SH3PXD2B: variants seen among roughly 807,000 people sequenced by gnomAD.
SH3PXD2B encodes SH3 and PX domains 2B.
SH3PXD2B carries 37 observed loss-of-function variants against 73.1 expected under a neutral mutation model. The ratio of observed to expected loss-of-function variants is 0.51; its 90% CI spans 0.39 to 0.67. The LOEUF is 0.67. Ranked by LOEUF, SH3PXD2B falls within the 30% of genes least tolerant of loss-of-function variation. The pLI is 0.00. For missense variants in SH3PXD2B, 1,053 were observed against 1,197.8 expected (o/e 0.88, Z 1.78); for synonymous variants, 457 against 480.5 (o/e 0.95, Z 0.64).
chr5:172,346,394 G>T, intron 11 of SH3PXD2B, 133 bp from the exon 12 acceptor site: 1 of 1,392,886 alleles, frequency 7.2e-7, no homozygotes, highest in Non-Finnish European at 1.0e-6. Flanking sequence ...GATTCTAAGG[G>T]ACAACACAAA....
intron 3 of SH3PXD2B, 29 bp downstream of exon 3, chr5:172,406,248 C>G (rs1758554142): frequency 6.2e-7 from 1 of 1,612,314 alleles, no homozygotes; most frequent in South Asian, 1.1e-5. Flanking sequence ...CCCCCAGTGT[C>G]CCAGTCTGAG....
At chr5:172,440,723 T>TGCGAG (rs534862756) in intron 1 of SH3PXD2B, among the ~76,000 whole-genome samples, 177 of 152,278 alleles carry the variant, frequency 1.2e-3, no homozygotes, top group African/African-American at 4.1e-3. Flanking sequence ...CTCTTCCAGC[T>TGCGAG]GCGAGGCAAG....
chr5:172,436,540 G>C (rs1759392202), intron 1 of SH3PXD2B, among the ~76,000 whole-genome samples: 1 of 152,236 alleles, frequency 6.6e-6, no homozygotes, highest in Admixed American at 6.5e-5. Context: ...AAAGGGACTT[G>C]CCCAAGGTCC....
chr5:172,390,436 G>C (rs866144505), intron 4 of SH3PXD2B, among the ~76,000 whole-genome samples: 2 of 152,204 alleles, frequency 1.3e-5, no homozygotes. Context: ...CCAGGCTGGA[G>C]TACAGTAGCA....
At chr5:172,379,361 C>T (rs951694512) in intron 5 of SH3PXD2B, among the ~76,000 whole-genome samples, 1 of 151,176 alleles carries the variant, frequency 6.6e-6, no homozygotes, top group South Asian at 2.1e-4. Flanking sequence ...CTGGCTTTCT[C>T]TCTCTCTCTC....
At position 172,429,708 on chromosome 5, in the gene SH3PXD2B, G is replaced by A. The variant is rs1015938805; in HGVS notation, c.76-7212C>T. ...TGAACTTGGTCTCTTCCAAATCCCC[G>A]AGCCAGCAGGCCAGGCTAACACTTC... On this transcript the variant is annotated intron_variant, in intron 1 of 12. Transcript: ENST00000311601. Among the ~76,000 whole-genome samples, 6 of 152,118 alleles carry A rather than the reference G, an allele frequency of 3.9e-5. No individual in the cohort carries two copies. In the East Asian group the frequency reaches 5.8e-4, roughly 15 times the overall value.
Position 172,335,315 on chromosome 5 carries a change from CG to C in SH3PXD2B, c.*3053del. 1.7e-6 allele frequency: 2 copies of C among 1,173,726 alleles called. No homozygotes were observed. Among genetic ancestry groups the C allele is most frequent in the East Asian group, 3.8e-5 (1 of 26,334 alleles). The allele number at this position is 1,173,726 out of a possible 1,614,324, so 72.7% of individuals were successfully genotyped here. A position where few individuals can be genotyped will look rare whatever the true frequency, so the allele number is the denominator to read the frequency against. ...CCTACTGAAATGTGTGAGCAAGGGG[CG>C]GGGGGAAGAGGCACCGAAATTCAGA... On this transcript the variant is annotated 3_prime_UTR_variant, in exon 13 of 13. Coordinates refer to ENST00000311601, the MANE Select transcript of SH3PXD2B (RefSeq NM_001017995.3).
intron 12 of SH3PXD2B, among the ~76,000 whole-genome samples, chr5:172,345,040 G>A (rs1041773507): frequency 3.3e-5 from 5 of 149,414 alleles, no homozygotes; most frequent in African/African-American, 5.0e-5. Context: ...AAAGGAAGAA[G>A]GGAAGGAAAA....
chr5:172,400,115 C>T (rs560201637), intron 3 of SH3PXD2B, among the ~76,000 whole-genome samples: 133 of 152,214 alleles, frequency 8.7e-4, no homozygotes, highest in African/African-American at 2.9e-3. Flanking sequence ...ACAGAGGAAC[C>T]GGGACATTTG....
At position 172,353,243 on chromosome 5, in the gene SH3PXD2B, T is replaced by C. The variant is rs4551084; in HGVS notation, c.785+645A>G. ...CACACATCACAGCGCAGACACTAGA[T>C]TGCAGGGACCTCGGCTTCCTCTCTT... On this transcript the variant is annotated intron_variant, in intron 9 of 12. Coordinates refer to ENST00000311601, the MANE Select transcript of SH3PXD2B (RefSeq NM_001017995.3). The surrounding 1 kb of genome is among the most constrained non-coding windows in gnomAD (Gnocchi z 4.3). Among the ~76,000 whole-genome samples the C allele has an allele frequency of 5.6e-3, 850 of 152,264 alleles. 11 individuals carry two copies. The highest frequency in any genetic ancestry group is 0.02 in the African/African-American group (814 of 41,532).
intron 8 of SH3PXD2B, among the ~76,000 whole-genome samples, chr5:172,354,437 C>G (rs893816167): frequency 8.5e-5 from 13 of 152,194 alleles, no homozygotes; most frequent in African/African-American, 3.1e-4. Context: ...ATATGAGCTC[C>G]AGGAAGGCAG....
intron 2 of SH3PXD2B, among the ~76,000 whole-genome samples, chr5:172,413,684 T>G (rs558377543): frequency 2.0e-5 from 3 of 152,248 alleles, no homozygotes; most frequent in Non-Finnish European, 4.4e-5. Context: ...AAGATAATCA[T>G]GCCTCTTTCT....
At chr5:172,446,102 C>T (rs550439495) in intron 1 of SH3PXD2B, among the ~76,000 whole-genome samples, 7 of 152,286 alleles carry the variant, frequency 4.6e-5, no homozygotes, top group East Asian at 1.9e-4. Flanking sequence ...CTGACCCCCC[C>T]GACAAGGGCT....
intron 12 of SH3PXD2B, among the ~76,000 whole-genome samples, chr5:172,344,507 G>C (rs1250045819): frequency 1.4e-5 from 2 of 141,390 alleles, no homozygotes; most frequent in Non-Finnish European, 3.0e-5. Flanking sequence ...AGAATCACTT[G>C]AACCTGGGAG....
At chr5:172,348,681 AT>A (rs1561896849) in intron 10 of SH3PXD2B, among the ~76,000 whole-genome samples, 2 of 42,368 alleles carry the variant, frequency 4.7e-5, no homozygotes, top group Admixed American at 5.8e-4. Flanking sequence ...CTATCTATCT[AT>A]CTATCTATCT....
In SH3PXD2B at chr5:172,382,046, G is replaced by GA; in HGVS notation, c.390dup (p.Pro131SerfsTer15). The GA allele has an allele frequency of 6.2e-7, 1 of 1,611,378 alleles. No homozygotes were observed. The highest frequency in any genetic ancestry group is 8.5e-7 in the Non-Finnish European group (1 of 1,179,080). On this transcript the variant is annotated frameshift_variant, in exon 5 of 13. Transcript: ENST00000311601. LOFTEE classifies it high-confidence loss of function. The stretch of plus-strand genomic sequence containing the variant: ...CACAAACAAACTTACTCTTTGGGGG[G>GA]ATTCAGGTCCTCAGGTCTTGTCTCA...
chr5:172,369,327 G>A (rs1757650023), intron 6 of SH3PXD2B, among the ~76,000 whole-genome samples: 1 of 151,936 alleles, frequency 6.6e-6, no homozygotes, highest in Non-Finnish European at 1.5e-5. Context: ...ATTATTGGTG[G>A]TAGTAGTGAT....
chr5:172,416,548 G>C (rs552986841), intron 2 of SH3PXD2B, among the ~76,000 whole-genome samples: 4 of 150,780 alleles, frequency 2.7e-5, no homozygotes, highest in African/African-American at 9.7e-5. Flanking sequence ...GGCTGGTATC[G>C]AACTCCTGAC....
chr5:172,416,860 C>T (rs966705140), intron 2 of SH3PXD2B, among the ~76,000 whole-genome samples: 11 of 151,878 alleles, frequency 7.2e-5, no homozygotes, highest in African/African-American at 2.2e-4. Context: ...AGGTGCGCAC[C>T]GTCACACCTG....
Sources: allele counts gnomAD v4.1 joint callset (sites outside exome capture counted in the v4.1 genomes callset), GRCh38; gene constraint gnomAD v4.1.1; non-coding constraint Gnocchi (gnomAD v3.1); transcripts MANE v1.5; gene names NCBI Gene and HGNC (gene_info 2026-07-23, HGNC 2026-07-21).